METTL16: variants seen among roughly 807,000 people sequenced by gnomAD.
METTL16 encodes the protein methyltransferase 16, RNA N6-adenosine.
In METTL16, 19 loss-of-function variants were observed where a neutral mutation model predicts 57.9. The ratio of observed to expected loss-of-function variants is 0.33; its 90% CI spans 0.23 to 0.48. The LOEUF is 0.48. Among genes scored for constraint, METTL16 ranks in the 20% least tolerant of loss-of-function variants. The pLI is 0.99. For synonymous variants in METTL16, 246 were observed against 255.6 expected (o/e 0.96, Z 0.36); for missense variants, 434 against 691.5 (o/e 0.63, Z 4.18).
At chr17:2,446,930 A>G (rs968768188) in intron 6 of METTL16, among the ~76,000 whole-genome samples, 5 of 151,472 alleles carry the variant, frequency 3.3e-5, no homozygotes, top group African/African-American at 1.2e-4. Flanking sequence ...TCGGCTCGCT[A>G]CAGCCTCCAC....
chr17:2,474,386 G>GAAAAAAAAAAAAAAAA (rs752477163), intron 3 of METTL16, among the ~76,000 whole-genome samples: 7 of 60,212 alleles, frequency 1.2e-4, no homozygotes, highest in Admixed American at 2.0e-4. Context: ...GAAACAAAAA[G>GAAAAAAAAAAAAAAAA]AAAAAAAAAA....
chr17:2,438,265 C>T lies in METTL16; in HGVS notation c.799-67G>A, dbSNP rs989278394. ...TCTACCAATATGTTTCTGGCTGCTG[C>T]GTCATGCCATATTATGTTGATCCTT... On this transcript the variant is annotated intron_variant, in intron 7 of 9. Transcript: ENST00000263092. 8.8e-6 allele frequency: 10 copies of T among 1,135,412 alleles called. No homozygotes were observed. In the Admixed American group the frequency reaches 1.2e-4, roughly 13 times the overall value. The allele number at this position is 1,135,412 out of a possible 1,614,324, so 70.3% of individuals were successfully genotyped here.
chr17:2,462,455 G>A (rs2067157100), intron 6 of METTL16, among the ~76,000 whole-genome samples: 1 of 152,172 alleles, frequency 6.6e-6, no homozygotes, highest in Non-Finnish European at 1.5e-5. Flanking sequence ...TTTAGATGGC[G>A]ATACGGTTTG....
At chr17:2,497,582 T>C (rs62068188) in intron 2 of METTL16, among the ~76,000 whole-genome samples, 18,043 of 151,418 alleles carry the variant, frequency 0.12, 1,466 homozygotes, top group Non-Finnish European at 0.18. Context: ...GCTGGGAATA[T>C]AGGCATGAGC....
At chr17:2,426,337 G>T (rs1348583781) in intron 8 of METTL16, among the ~76,000 whole-genome samples, 1 of 152,134 alleles carries the variant, frequency 6.6e-6, no homozygotes, top group Non-Finnish European at 1.5e-5. Flanking sequence ...AACTACAGGT[G>T]CACATCACCA....
intron 6 of METTL16, among the ~76,000 whole-genome samples, chr17:2,451,850 CA>C (rs1567890961): frequency 6.6e-6 from 1 of 151,952 alleles, no homozygotes; most frequent in South Asian, 2.1e-4. Flanking sequence ...CACAGAACAA[CA>C]AAAAAAGATA....
intron 7 of METTL16, among the ~76,000 whole-genome samples, 185 bp from the exon 8 acceptor site, chr17:2,438,383 A>G (rs2151548806): frequency 6.6e-6 from 1 of 152,326 alleles, no homozygotes; most frequent in East Asian, 1.9e-4. Flanking sequence ...ACAAAGTTAT[A>G]TTTTTTCCTC....
rs756601817 is a variant in METTL16, at chr17:2,420,313, G to A, written c.1346C>T (p.Pro449Leu). ...GEAAAVEGPC[P>L]SQESLSQEEN... Reference sequence around the variant, plus strand: ...CTCCTGGGACAGGGACTCCTGGCTCGGGCACGGGCCCTCCACAGCGGCAGC... The same window carrying A: ...CTCCTGGGACAGGGACTCCTGGCTCAGGCACGGGCCCTCCACAGCGGCAGC... Residue 449 changes from proline to leucine, a missense_variant, in exon 10 of 10, where the codon CCG becomes CTG. Physicochemically the swap from Pro to Leu is moderately conservative, Grantham distance 98. This residue lies in a region of METTL16 where 168 missense variants were observed against 149.6 expected (regional missense o/e 1.12). Transcript: ENST00000263092. The surrounding 1 kb of genome is among the most constrained non-coding windows in gnomAD (Gnocchi z 5.4). 25 of 1,612,030 alleles carry A rather than the reference G, an allele frequency of 1.6e-5. No homozygotes were observed. Among genetic ancestry groups the A allele is most frequent in the African/African-American group, 5.3e-5 (4 of 74,926 alleles).
chr17:2,428,149 C>T (rs2066833567), intron 8 of METTL16, among the ~76,000 whole-genome samples: 1 of 151,938 alleles, frequency 6.6e-6, no homozygotes, highest in Non-Finnish European at 1.5e-5. Flanking sequence ...GAAAAAGCCT[C>T]TAAAAACAAT....
intron 4 of METTL16, among the ~76,000 whole-genome samples, chr17:2,472,520 T>C (rs2067241989): frequency 6.6e-6 from 1 of 152,150 alleles, no homozygotes; most frequent in Non-Finnish European, 1.5e-5. Context: ...TTTGTAATTG[T>C]CAAAATTCGA....
chr17:2,426,999 C>A (rs899006432), intron 8 of METTL16, among the ~76,000 whole-genome samples: 1 of 149,766 alleles, frequency 6.7e-6, no homozygotes, highest in African/African-American at 2.5e-5. Flanking sequence ...AAAAAAGAGC[C>A]GGGCATGGAG....
At chr17:2,499,193 G>T (rs2067469109) in intron 2 of METTL16, among the ~76,000 whole-genome samples, 1 of 151,642 alleles carries the variant, frequency 6.6e-6, no homozygotes, top group Non-Finnish European at 1.5e-5. Flanking sequence ...GCGTGTGACT[G>T]TGGCAGTGAC....
intron 2 of METTL16, among the ~76,000 whole-genome samples, chr17:2,499,934 A>C (rs908727332): frequency 6.6e-6 from 1 of 151,952 alleles, no homozygotes; most frequent in African/African-American, 2.4e-5. Context: ...TTGTATTTTT[A>C]ATAGAGACAG....
In METTL16 at chr17:2,473,585, A is replaced by T. The variant is rs955926690; in HGVS notation, c.408T>A (p.Asp136Glu). 1.9e-6 allele frequency: 3 copies of T among 1,614,062 alleles called. No individual in the cohort carries two copies. The highest frequency in any genetic ancestry group is 2.5e-6 in the Non-Finnish European group (3 of 1,180,018). Residue 136 changes from aspartate to glutamate, a missense_variant, in exon 4 of 10, where the codon GAT becomes GAA. Coordinates refer to ENST00000263092, the MANE Select transcript of METTL16 (RefSeq NM_024086.4). ...TTTTCTTTGCATAGTTGAAACACAT[A>T]TCATCCACTTCTGTTGCGAGGAAAT... is the stretch of plus-strand genomic sequence containing the variant. ...GWYFLATEVD[D>E]MCFNYAKKNV...
At chr17:2,471,773 C>A (rs1597460151) in intron 4 of METTL16, among the ~76,000 whole-genome samples, 1 of 151,846 alleles carries the variant, frequency 6.6e-6, no homozygotes, top group East Asian at 2.0e-4. Context: ...GGCGACAGAG[C>A]GAGACTCCAT....
intron 6 of METTL16, among the ~76,000 whole-genome samples, chr17:2,450,577 A>G (rs932627796): frequency 6.6e-6 from 1 of 152,200 alleles, no homozygotes; most frequent in African/African-American, 2.4e-5. Context: ...ACTGACTGAA[A>G]TATATAAATT....
chr17:2,498,937 C>T (rs1752355220), intron 2 of METTL16, among the ~76,000 whole-genome samples: 1 of 151,710 alleles, frequency 6.6e-6, no homozygotes, highest in Non-Finnish European at 1.5e-5. Context: ...CAGTTCCCCT[C>T]TGCCCAGTAT....
At chr17:2,475,702 T>C (rs2067264642) in intron 3 of METTL16, among the ~76,000 whole-genome samples, 1 of 152,216 alleles carries the variant, frequency 6.6e-6, no homozygotes, top group Non-Finnish European at 1.5e-5. Context: ...AAATGGGTAA[T>C]AATCTTTGTA....
chr17:2,456,997 TGTAA>T (rs2067115621), intron 6 of METTL16, among the ~76,000 whole-genome samples: 1 of 151,390 alleles, frequency 6.6e-6, no homozygotes, highest in African/African-American at 2.4e-5. Flanking sequence ...TCTAATTTCC[TGTAA>T]GTGTGGTTAT....
Sources: allele counts gnomAD v4.1 joint callset (sites outside exome capture counted in the v4.1 genomes callset), GRCh38; gene constraint gnomAD v4.1.1; regional missense constraint gnomAD v4.1.1; non-coding constraint Gnocchi (gnomAD v3.1); transcripts MANE v1.5; gene names NCBI Gene and HGNC (gene_info 2026-07-23, HGNC 2026-07-21).